ARHGAP28: variants seen among roughly 807,000 people sequenced by gnomAD.
ARHGAP28 encodes Rho GTPase activating protein 28, also known as rho GTPase-activating protein 28.
Under a neutral mutation model 90.7 loss-of-function variants are expected in ARHGAP28, and 56 were observed. That is an observed-to-expected ratio of 0.62 (90% CI 0.50 to 0.77). The LOEUF is 0.77. Among genes scored for constraint, ARHGAP28 ranks in the 30% least tolerant of loss-of-function variants. ARHGAP28 has a pLI of 0.00. For missense variants in ARHGAP28, 869 were observed against 900.9 expected, an observed-to-expected ratio of 0.96 and a Z score of 0.45; for synonymous variants, 308 against 323.3, an observed-to-expected ratio of 0.95 and a Z score of 0.51.
intron 2 of ARHGAP28, 83 bp downstream of exon 2, chr18:6,825,047 T>A: frequency 8.2e-7 from 1 of 1,222,516 alleles, no homozygotes; most frequent in Non-Finnish European, 1.1e-6. Flanking sequence ...GCAGAAATCA[T>A]CCCACCAATA....
At chr18:6,807,421 A>T (rs1010136157) in intron 1 of ARHGAP28, among the ~76,000 whole-genome samples, 2 of 152,046 alleles carry the variant, frequency 1.3e-5, no homozygotes, top group Non-Finnish European at 2.9e-5. Flanking sequence ...GGATACTTTT[A>T]TAGTTCTATA....
At chr18:6,911,580 C>G (rs185220291) in intron 17 of ARHGAP28, among the ~76,000 whole-genome samples, 2 of 151,934 alleles carry the variant, frequency 1.3e-5, no homozygotes, top group Non-Finnish European at 2.9e-5. Flanking sequence ...GAATTACAGG[C>G]GCCTACCACC....
chr18:6,839,533 G>A (rs553508717), intron 3 of ARHGAP28, among the ~76,000 whole-genome samples: 2 of 152,186 alleles, frequency 1.3e-5, no homozygotes, highest in East Asian at 1.9e-4. Context: ...TCCTGACCTC[G>A]TGATCCGCCT....
At chr18:6,856,163 A>G (rs1274473067) in intron 4 of ARHGAP28, among the ~76,000 whole-genome samples, 3 of 152,284 alleles carry the variant, frequency 2.0e-5, no homozygotes, top group South Asian at 2.1e-4. Flanking sequence ...ATTAGCTCAT[A>G]TTAGTCTGTT....
In ARHGAP28 at chr18:6,915,640, TC is replaced by T. The variant is rs2057418605; in HGVS notation, c.*3488del. ...CAAAAGCTAATATTGATTCTTCTGT[TC>T]CATCAGCTTTCATTGTTAAGTAGAA... On this transcript the variant is annotated 3_prime_UTR_variant, in exon 18 of 18. Transcript: ENST00000383472. 6.6e-6 allele frequency: 1 copy of T among 152,022 alleles called. No individual in the cohort carries two copies. The highest frequency in any genetic ancestry group is 2.1e-4 in the South Asian group (1 of 4,830). 9.4% of individuals were successfully genotyped at this position (152,022 alleles called of 1,614,324 possible).
intron 4 of ARHGAP28, among the ~76,000 whole-genome samples, chr18:6,855,151 A>AG (rs1431566798): frequency 2.0e-5 from 3 of 152,216 alleles, no homozygotes; most frequent in Non-Finnish European, 2.9e-5. Flanking sequence ...CTGGGCAGAA[A>AG]GGGGCAGGTA....
chr18:6,778,588 C>T (rs907728292), intron 1 of ARHGAP28, among the ~76,000 whole-genome samples: 1 of 152,206 alleles, frequency 6.6e-6, no homozygotes, highest in Admixed American at 6.5e-5. Flanking sequence ...AGACCAGTGG[C>T]AAACCCTCTT....
intron 4 of ARHGAP28, among the ~76,000 whole-genome samples, chr18:6,859,298 C>T (rs891116236): frequency 1.3e-5 from 2 of 152,198 alleles, no homozygotes; most frequent in Non-Finnish European, 2.9e-5. Flanking sequence ...CGCATGGACA[C>T]AGCCAGGCTT....
intron 1 of ARHGAP28, among the ~76,000 whole-genome samples, chr18:6,730,759 TG>T (rs754198588): frequency 3.3e-5 from 5 of 152,198 alleles, no homozygotes; most frequent in African/African-American, 4.8e-5. Context: ...GATACATATT[TG>T]GGGGAAGTTT....
intron 1 of ARHGAP28, among the ~76,000 whole-genome samples, chr18:6,736,713 C>CTCCA (rs1353049113): frequency 6.9e-6 from 1 of 144,950 alleles, no homozygotes; most frequent in Non-Finnish European, 1.5e-5. Flanking sequence ...TGCCATTGCA[C>CTCCA]TCCAGCCTGG....
chr18:6,730,043 T>C, intron 1 of ARHGAP28, 100 bp downstream of exon 1: 1 of 1,178,868 alleles, frequency 8.5e-7, no homozygotes, highest in East Asian at 3.3e-5. Flanking sequence ...CCGCCGTCAC[T>C]GGATGTTGTT....
At chr18:6,827,306 C>T (rs1414657460) in intron 2 of ARHGAP28, among the ~76,000 whole-genome samples, 10 of 148,088 alleles carry the variant, frequency 6.8e-5, no homozygotes, top group South Asian at 6.6e-4. Context: ...GGCGGCTGGC[C>T]GGGCGGGGGG....
Position 6,807,290 on chromosome 18 carries a change from A to G in ARHGAP28, c.123-17472A>G, listed in dbSNP as rs566746108. 2.0e-5 allele frequency among the ~76,000 whole-genome samples: 3 copies of G among 152,212 alleles called. No individual in the cohort carries two copies. The East Asian group carries it at 5.8e-4, about 29-fold the overall frequency. On this transcript the variant is annotated intron_variant, in intron 1 of 17. Transcript: ENST00000383472. ...TCTACTAATTCTGTCACCTGTCATT[A>G]CAAGGTTCATTTGTAGTGATTGCAT... is the stretch of plus-strand genomic sequence containing the variant.
intron 1 of ARHGAP28, among the ~76,000 whole-genome samples, chr18:6,787,281 G>GAA (rs143790742): frequency 1.9e-5 from 2 of 106,848 alleles, no homozygotes. Context: ...TTGAGGATAA[G>GAA]AAAAAAAAAA....
chr18:6,749,545 CA>C lies in ARHGAP28; in HGVS notation c.122+19603del, dbSNP rs548616589. On this transcript the variant is annotated intron_variant, in intron 1 of 17. Coordinates refer to ENST00000383472, the MANE Select transcript of ARHGAP28 (RefSeq NM_001366230.1). ...CTCCAATGTTCTAACATTTCTATAC[CA>C]TTTTTTTAAATGGGAAGATCTCATC... 2.2e-3 allele frequency among the ~76,000 whole-genome samples: 340 copies of C among 152,246 alleles called. 3 individuals are homozygous for C. In the Middle Eastern group the frequency reaches 0.027, roughly 12 times the overall value.
At position 6,802,080 on chromosome 18, in the gene ARHGAP28, G is replaced by A. The variant is rs1471964007; in HGVS notation, c.123-22682G>A. 2.0e-5 allele frequency among the ~76,000 whole-genome samples: 3 copies of A among 152,108 alleles called. No homozygotes were observed. The South Asian group carries it at 6.2e-4, about 31-fold the overall frequency. ...CAGTTCCATCCATGTTGCTGCAAAT[G>A]ACCAGCTTTCTTTCTTTTTAATGGC... On this transcript the variant is annotated intron_variant, in intron 1 of 17. Transcript: ENST00000383472.
chr18:6,876,457 A>G (rs1404181981), intron 10 of ARHGAP28, among the ~76,000 whole-genome samples: 1 of 152,220 alleles, frequency 6.6e-6, no homozygotes, highest in African/African-American at 2.4e-5. Context: ...TTCACCATCA[A>G]AAACTGCTGC....
At chr18:6,787,155 G>C (rs2056371385) in intron 1 of ARHGAP28, among the ~76,000 whole-genome samples, 1 of 149,858 alleles carries the variant, frequency 6.7e-6, no homozygotes, top group South Asian at 2.1e-4. Context: ...GGGAGGCGGA[G>C]GTTGCAGTGA....
intron 1 of ARHGAP28, among the ~76,000 whole-genome samples, chr18:6,794,820 T>C (rs1178199276): frequency 6.6e-6 from 1 of 152,040 alleles, no homozygotes; most frequent in Non-Finnish European, 1.5e-5. Context: ...ATAGCTGGGA[T>C]GACAGGTACA....
Sources: gnomAD v4.1 joint callset for allele counts (sites outside exome capture counted in the v4.1 genomes callset) on GRCh38, gnomAD v4.1.1 for gene constraint, MANE v1.5 for transcripts, NCBI Gene and HGNC (gene_info 2026-07-23, HGNC 2026-07-21) for gene names.